LRRC9: variants seen among roughly 807,000 people sequenced by gnomAD.
LRRC9 encodes the protein leucine-rich repeat-containing protein 9.
LRRC9 carries 122 observed loss-of-function variants against 63.2 expected under a neutral mutation model. That is an observed-to-expected ratio of 1.93 (90% CI 1.67 to 2.24). The LOEUF (loss-of-function observed/expected upper bound fraction) is 2.24. LRRC9 is among the 30% of genes most tolerant of loss of function. The pLI is 0.00. For missense variants in LRRC9, 1,071 were observed against 627.7 expected, an observed-to-expected ratio of 1.71 and a Z score of -7.55; for synonymous variants, 366 against 213.1, an observed-to-expected ratio of 1.72 and a Z score of -6.25.
chr14:60,035,128 G>A lies in LRRC9; in HGVS notation c.3990+3065G>A, dbSNP rs558373779. ...ATTTTTTTTTTTTTGTAAACCTGTT[G>A]GCCATTTGTATGTCTTCTTTTGATA... On this transcript the variant is annotated intron_variant, in intron 29 of 31. Transcript: ENST00000445360. Among the ~76,000 whole-genome samples the A allele has an allele frequency of 2.0e-5, 3 of 149,256 alleles. No individual in the cohort carries two copies. The South Asian group carries it at 6.4e-4, about 32-fold the overall frequency.
intron 17 of LRRC9, 63 bp downstream of exon 17, chr14:59,985,287 T>A (rs1440474541): frequency 1.8e-6 from 1 of 559,686 alleles, no homozygotes; most frequent in East Asian, 2.9e-5. Flanking sequence ...AGAATGGTGG[T>A]TATCAGGGCC....
intron 12 of LRRC9, among the ~76,000 whole-genome samples, chr14:59,971,268 A>G (rs1426183362): frequency 1.3e-5 from 2 of 151,934 alleles, no homozygotes; most frequent in Non-Finnish European, 2.9e-5. Flanking sequence ...CAGGCTCTCT[A>G]TTCTCTGTTC....
chr14:59,929,835 A>T (rs887353232), intron 3 of LRRC9, among the ~76,000 whole-genome samples: 1 of 152,120 alleles, frequency 6.6e-6, no homozygotes, highest in African/African-American at 2.4e-5. Context: ...CAGAAAAGCA[A>T]ATACCACCTG....
At position 59,939,050 on chromosome 14, in the gene LRRC9, T is replaced by TAC. The variant is rs1451665406; in HGVS notation, c.726+482_726+483dup. 2.0e-5 allele frequency among the ~76,000 whole-genome samples: 3 copies of TAC among 147,656 alleles called. No individual in the cohort carries two copies. The Admixed American group carries it at 2.1e-4, about 10-fold the overall frequency. On this transcript the variant is annotated intron_variant, in intron 7 of 31. Transcript: ENST00000445360. The stretch of plus-strand genomic sequence containing the variant: ...ACATATATACACATATATACATATA[T>TAC]ACACATATATATACGTATATACACA...
At chr14:60,008,033 C>T (rs2140235107) in intron 22 of LRRC9, 59 bp from the exon 23 acceptor site, 1 of 515,130 alleles carries the variant, frequency 1.9e-6, no homozygotes, top group Non-Finnish European at 3.4e-6. Context: ...GGATGGCTAA[C>T]CTCTTACTAG....
At chr14:59,957,732 C>T (rs149001616) in intron 8 of LRRC9, among the ~76,000 whole-genome samples, 11 of 152,244 alleles carry the variant, frequency 7.2e-5, no homozygotes, top group Admixed American at 5.9e-4. Context: ...GAATTTTCAG[C>T]GTTTTTGTGC....
intron 17 of LRRC9, among the ~76,000 whole-genome samples, chr14:59,991,235 G>C (rs1010402289): frequency 2.6e-5 from 4 of 152,066 alleles, no homozygotes; most frequent in African/African-American, 9.7e-5. Flanking sequence ...TTTTCCTTAA[G>C]TGTGTACTAA....
intron 29 of LRRC9, among the ~76,000 whole-genome samples, chr14:60,048,766 G>T (rs1478698158): frequency 6.6e-6 from 1 of 152,080 alleles, no homozygotes; most frequent in East Asian, 1.9e-4. Context: ...GAAAAGGAGG[G>T]TCTCCACCCT....
chr14:59,960,632 A>AT (rs1295340482), intron 9 of LRRC9, among the ~76,000 whole-genome samples: 1 of 152,250 alleles, frequency 6.6e-6, no homozygotes, highest in African/African-American at 2.4e-5. Flanking sequence ...AAACTGAGGC[A>AT]TAAAAAGTCC....
chr14:60,016,530 C>T (rs1890699665), intron 23 of LRRC9, 130 bp from the exon 24 acceptor site: 2 of 525,866 alleles, frequency 3.8e-6, no homozygotes, highest in African/African-American at 3.8e-5. Context: ...ATATAATGCA[C>T]AGGATTTAGC....
chr14:60,064,530 G>A (rs1029936776), downstream of LRRC9, among the ~76,000 whole-genome samples: 3 of 152,072 alleles, frequency 2.0e-5, no homozygotes, highest in African/African-American at 7.2e-5. Context: ...TTTAAATGCT[G>A]TATGTCTTTA....
At chr14:60,049,138 A>G (rs527831536) in intron 29 of LRRC9, among the ~76,000 whole-genome samples, 1 of 152,324 alleles carries the variant, frequency 6.6e-6, no homozygotes, top group African/African-American at 2.4e-5. Flanking sequence ...ATACCTCAAA[A>G]TAATAAGAGC....
chr14:59,970,850 C>A (rs540846004), intron 12 of LRRC9, among the ~76,000 whole-genome samples: 56 of 152,060 alleles, frequency 3.7e-4, no homozygotes, highest in African/African-American at 1.3e-3. Context: ...GCACAGTTTG[C>A]AGAATTTTTC....
intron 9 of LRRC9, among the ~76,000 whole-genome samples, chr14:59,960,406 A>G (rs76098725): frequency 0.01 from 1,526 of 152,348 alleles, 20 homozygotes; most frequent in African/African-American, 0.035. Flanking sequence ...ATGTAAAGCA[A>G]GAAGGCTTAG....
chr14:60,018,442 C>T (rs1244680749), exon 25 of LRRC9: 5 of 700,142 alleles, frequency 7.1e-6, no homozygotes, highest in African/African-American at 3.5e-5. Flanking sequence ...AATCATCTTA[C>T]CTCATTCAGT....
intron 15 of LRRC9, among the ~76,000 whole-genome samples, 176 bp from the exon 16 acceptor site, chr14:59,981,672 C>A (rs1886943108): frequency 6.6e-6 from 1 of 152,112 alleles, no homozygotes; most frequent in East Asian, 1.9e-4. Context: ...AATAGATACA[C>A]CATGCATAGC....
chr14:59,954,125 A>T (rs1883467967), intron 8 of LRRC9, among the ~76,000 whole-genome samples: 1 of 152,104 alleles, frequency 6.6e-6, no homozygotes, highest in South Asian at 2.1e-4. Flanking sequence ...TCTTCCTTAG[A>T]ATTGTTTTGG....
intron 30 of LRRC9, among the ~76,000 whole-genome samples, chr14:60,054,366 T>C (rs1894117966): frequency 6.6e-6 from 1 of 152,172 alleles, no homozygotes; most frequent in African/African-American, 2.4e-5. Flanking sequence ...TGGAATACTT[T>C]GGAAAGTCTG....
chr14:59,973,665 G>T (rs1173524721), intron 12 of LRRC9, among the ~76,000 whole-genome samples: 2 of 151,886 alleles, frequency 1.3e-5, no homozygotes, highest in Non-Finnish European at 2.9e-5. Context: ...TTTGCTATTT[G>T]TATTATTTTG....
Sources: allele counts gnomAD v4.1 joint callset (sites outside exome capture counted in the v4.1 genomes callset), GRCh38; gene constraint gnomAD v4.1.1; transcripts MANE v1.5; gene names NCBI Gene and HGNC (gene_info 2026-07-23, HGNC 2026-07-21).